GPC6: variants seen among roughly 807,000 people sequenced by gnomAD.
GPC6 encodes glypican-6.
GPC6 carries 14 observed loss-of-function variants against 55.2 expected under a neutral mutation model. That is an observed-to-expected ratio of 0.25 (90% CI 0.17 to 0.40). GPC6 has a LOEUF of 0.40. Ranked by LOEUF, GPC6 falls within the 10% of genes least tolerant of loss-of-function variation. The probability of loss-of-function intolerance (pLI) is 1.00; values close to 1 mark genes in which losing one functional copy is unlikely to be tolerated. For synonymous variants in GPC6, 278 were observed against 259.6 expected (o/e 1.07, Z -0.68); for missense variants, 641 against 708.5 (o/e 0.90, Z 1.08).
chr13:93,433,910 G>T (rs1877466742), intron 1 of GPC6, among the ~76,000 whole-genome samples: 2 of 152,212 alleles, frequency 1.3e-5, no homozygotes, highest in Admixed American at 1.3e-4. Flanking sequence ...GATCCAAACT[G>T]ATGCAGTGAG....
chr13:93,826,511 T>G (rs1594492709), intron 2 of GPC6, among the ~76,000 whole-genome samples: 2 of 152,212 alleles, frequency 1.3e-5, no homozygotes, highest in Middle Eastern at 3.4e-3. Context: ...AGGAAATGTC[T>G]CTGAGAGCAT....
At chr13:93,847,933 CTCT>C (rs1245753739) in intron 3 of GPC6, among the ~76,000 whole-genome samples, 1 of 152,112 alleles carries the variant, frequency 6.6e-6, no homozygotes, top group Non-Finnish European at 1.5e-5. Context: ...TTTTATAATT[CTCT>C]TCGTTAAATT....
At position 94,390,894 on chromosome 13, in the gene GPC6, T is replaced by A. The variant is rs68154628; in HGVS notation, c.1290-7572T>A. Among the ~76,000 whole-genome samples, 1,076 of 134,652 alleles carry A rather than the reference T, an allele frequency of 8.0e-3. 12 individuals carry two copies. Among genetic ancestry groups the A allele is most frequent in the African/African-American group, 0.026 (956 of 37,098 alleles). 88.3% of individuals were successfully genotyped at this position (134,652 alleles called of 152,430 possible). The stretch of plus-strand genomic sequence containing the variant: ...CCTCTTGCAAATGGGAAAAAAAAAA[T>A]AAATGTTAGGCAGAGCTGGCTGCAA... On this transcript the variant is annotated intron_variant, in intron 7 of 8. Transcript: ENST00000377047.
At chr13:94,007,452 G>T (rs997671139) in intron 3 of GPC6, among the ~76,000 whole-genome samples, 1 of 152,158 alleles carries the variant, frequency 6.6e-6, no homozygotes, top group Non-Finnish European at 1.5e-5. Context: ...GTTCTTGCAT[G>T]CTGCCCATGG....
chr13:93,685,063 A>G (rs1477336418), intron 2 of GPC6, among the ~76,000 whole-genome samples: 3 of 152,348 alleles, frequency 2.0e-5, no homozygotes, highest in African/African-American at 4.8e-5. Flanking sequence ...AGATTTTAAG[A>G]TATCTTTTAT....
At chr13:93,437,188 C>G (rs1005414689) in intron 1 of GPC6, among the ~76,000 whole-genome samples, 2 of 152,078 alleles carry the variant, frequency 1.3e-5, no homozygotes. Context: ...GTCATCTCTT[C>G]CCTTTACCTT....
intron 1 of GPC6, chr13:93,450,747 G>T: frequency 1.0e-6 from 1 of 960,728 alleles, no homozygotes; most frequent in Non-Finnish European, 1.2e-6. Context: ...ACAGTTTAAG[G>T]TAAGGATGAA....
At chr13:94,148,958 AC>A (rs146444308) in intron 4 of GPC6, among the ~76,000 whole-genome samples, 27,645 of 152,050 alleles carry the variant, frequency 0.18, 2,778 homozygotes, top group Non-Finnish European at 0.23. Context: ...TGCCTAACAC[AC>A]ATACACACAC....
chr13:93,305,640 T>C lies in GPC6; in HGVS notation c.160+78024T>C, dbSNP rs1285399536. Reference sequence around the variant, plus strand: ...TGAATATTGTTCCATCCTAAATGTTTATTCTTTGTTACAGCTTTCACTTCC... The same window carrying C: ...TGAATATTGTTCCATCCTAAATGTTCATTCTTTGTTACAGCTTTCACTTCC... On this transcript the variant is annotated intron_variant, in intron 1 of 8. Transcript: ENST00000377047. Among the ~76,000 whole-genome samples the C allele has an allele frequency of 2.0e-5, 3 of 152,216 alleles. No individual in the cohort carries two copies. The East Asian group carries it at 5.8e-4, about 29-fold the overall frequency.
intron 2 of GPC6, among the ~76,000 whole-genome samples, chr13:93,801,124 T>C (rs1252785748): frequency 6.6e-6 from 1 of 152,178 alleles, no homozygotes. Context: ...GGTAAAAATA[T>C]GGTTTGCCTG....
chr13:93,304,556 C>A (rs1368234159), intron 1 of GPC6, among the ~76,000 whole-genome samples: 1 of 152,210 alleles, frequency 6.6e-6, no homozygotes, highest in African/African-American at 2.4e-5. Flanking sequence ...GATTTGAGTT[C>A]TCCATAGTTT....
intron 3 of GPC6, among the ~76,000 whole-genome samples, chr13:93,958,714 T>C (rs1879625357): frequency 6.6e-6 from 1 of 152,204 alleles, no homozygotes; most frequent in South Asian, 2.1e-4. Flanking sequence ...TAGAATTTTT[T>C]TCTAATTCTG....
chr13:93,596,610 A>AT (rs1566441951), intron 2 of GPC6, among the ~76,000 whole-genome samples: 35 of 132,870 alleles, frequency 2.6e-4, no homozygotes, highest in South Asian at 2.3e-4. Context: ...TAAATAAATA[A>AT]ATATATATAT....
chr13:93,749,065 T>C (rs556451827), intron 2 of GPC6, among the ~76,000 whole-genome samples: 2 of 152,148 alleles, frequency 1.3e-5, no homozygotes, highest in African/African-American at 4.8e-5. Flanking sequence ...CCTATTTCTT[T>C]TTCATTTCTG....
chr13:94,025,571 G>A (rs2138717847), intron 3 of GPC6: 1 of 152,190 alleles, frequency 6.6e-6, no homozygotes, highest in African/African-American at 2.4e-5. Context: ...GTGAGATTGG[G>A]TGCATTCAGC....
At position 93,650,076 on chromosome 13, in the gene GPC6, C is replaced by T. The variant is rs186737851; in HGVS notation, c.319+104655C>T. 2.1e-3 allele frequency among the ~76,000 whole-genome samples: 314 copies of T among 152,236 alleles called. 3 individuals carry two copies. The highest frequency in any genetic ancestry group is 7.3e-3 in the African/African-American group (303 of 41,560). On this transcript the variant is annotated intron_variant, in intron 2 of 8. Transcript: ENST00000377047. ...CAAAATTCACATGTTTCGTGATTCT[C>T]AGGTTCAGGTTACCAAATACATGGA...
intron 1 of GPC6, among the ~76,000 whole-genome samples, chr13:93,497,741 C>G (rs1218760269): frequency 6.6e-6 from 1 of 152,218 alleles, no homozygotes; most frequent in Non-Finnish European, 1.5e-5. Context: ...CCAAGTCTCA[C>G]ATAAACTTAG....
chr13:93,556,408 GTA>G (rs36113667), intron 2 of GPC6, among the ~76,000 whole-genome samples: 11,022 of 130,792 alleles, frequency 0.084, 888 homozygotes, highest in African/African-American at 0.21. Flanking sequence ...GTATGTATAT[GTA>G]TATATATATA....
intron 6 of GPC6, among the ~76,000 whole-genome samples, chr13:94,351,430 T>C (rs1346222023): frequency 6.6e-6 from 1 of 152,076 alleles, no homozygotes; most frequent in Non-Finnish European, 1.5e-5. Context: ...TTTTCTAGTG[T>C]ACCAGAGCCT....
Sources: gnomAD v4.1 joint callset for allele counts (sites outside exome capture counted in the v4.1 genomes callset) on GRCh38, gnomAD v4.1.1 for gene constraint, MANE v1.5 for transcripts, NCBI Gene and HGNC (gene_info 2026-07-23, HGNC 2026-07-21) for gene names.